MSRA: variants seen among roughly 807,000 people sequenced by gnomAD.
MSRA encodes methionine sulfoxide reductase A.
A neutral mutation model predicts 31.3 loss-of-function variants in MSRA; 54 were observed. The ratio of observed to expected loss-of-function variants is 1.73; its 90% CI spans 1.39 to 2.17. The LOEUF is 2.17. Among genes scored for constraint, MSRA ranks in the 30% most tolerant of loss-of-function variants. The pLI is 0.00. For missense variants in MSRA, 507 were observed against 300.9 expected (o/e 1.69, Z -5.07); for synonymous variants, 169 against 116.5 (o/e 1.45, Z -2.90).
chr8:10,309,407 T>C (rs530798937), intron 4 of MSRA, among the ~76,000 whole-genome samples: 1 of 152,370 alleles, frequency 6.6e-6, no homozygotes, highest in East Asian at 1.9e-4. Context: ...AAGGGCCGTT[T>C]CCATCACCAG....
chr8:10,075,842 C>G lies in MSRA; in HGVS notation c.142+21184C>G, dbSNP rs117015053. ...TCATATTTTTCTCCCATGGGTACCA[C>G]TTTCCTCTCTTTTCCTAATACCAAG... On this transcript the variant is annotated intron_variant, in intron 1 of 5. Coordinates refer to ENST00000317173, the MANE Select transcript of MSRA (RefSeq NM_012331.5). Among the ~76,000 whole-genome samples the G allele has an allele frequency of 2.6e-5, 4 of 152,352 alleles. No homozygotes were observed. The East Asian group carries it at 7.7e-4, about 29-fold the overall frequency.
chr8:10,421,951 T>A (rs1808840131), intron 5 of MSRA, among the ~76,000 whole-genome samples: 1 of 152,114 alleles, frequency 6.6e-6, no homozygotes, highest in Non-Finnish European at 1.5e-5. Context: ...TGGGTGGGGA[T>A]TTTTGGGAAA....
chr8:10,100,359 C>G (rs1373289103), intron 1 of MSRA, among the ~76,000 whole-genome samples: 2 of 152,102 alleles, frequency 1.3e-5, no homozygotes, highest in Non-Finnish European at 2.9e-5. Context: ...GCTTTGCTGC[C>G]CAAGCCCTGT....
At chr8:10,315,557 T>C (rs1438923652) in intron 4 of MSRA, among the ~76,000 whole-genome samples, 2 of 152,238 alleles carry the variant, frequency 1.3e-5, no homozygotes, top group Non-Finnish European at 2.9e-5. Context: ...TAATTAAATC[T>C]GGAAACTACA....
chr8:10,129,679 C>G (rs1801758027), intron 1 of MSRA, among the ~76,000 whole-genome samples: 1 of 152,134 alleles, frequency 6.6e-6, no homozygotes, highest in Non-Finnish European at 1.5e-5. Flanking sequence ...CTTAGGTTTT[C>G]TCTCTTTATT....
intron 2 of MSRA, among the ~76,000 whole-genome samples, chr8:10,221,365 G>A (rs1278362071): frequency 2.0e-5 from 3 of 151,756 alleles, no homozygotes; most frequent in Non-Finnish European, 4.4e-5. Flanking sequence ...TTAAACACTT[G>A]TACCAGCACC....
chr8:10,107,269 TTTTTTTTTAATTTAA>T (rs1252732262), intron 1 of MSRA, among the ~76,000 whole-genome samples: 6 of 152,048 alleles, frequency 3.9e-5, no homozygotes, highest in Admixed American at 2.6e-4. Flanking sequence ...CATGAGTGTT[TTTTTTTTTAATTTAA>T]CACTTAAGTA....
intron 5 of MSRA, among the ~76,000 whole-genome samples, chr8:10,324,112 C>T (rs1000035550): frequency 1.3e-5 from 2 of 152,252 alleles, no homozygotes; most frequent in African/African-American, 4.8e-5. Context: ...CGCCATGATG[C>T]TGTGGTCTCT....
chr8:10,343,579 C>G (rs1803579218), intron 5 of MSRA, among the ~76,000 whole-genome samples: 1 of 152,174 alleles, frequency 6.6e-6, no homozygotes, highest in South Asian at 2.1e-4. Flanking sequence ...TCTCCTACAT[C>G]AGTTCATGGG....
intron 1 of MSRA, among the ~76,000 whole-genome samples, chr8:10,149,368 C>T (rs1415661013): frequency 6.6e-6 from 1 of 152,158 alleles, no homozygotes; most frequent in Non-Finnish European, 1.5e-5. Context: ...AGGTGATCCG[C>T]CCGCCTCGGC....
At chr8:10,144,824 C>T (rs1248785559) in intron 1 of MSRA, among the ~76,000 whole-genome samples, 1 of 152,086 alleles carries the variant, frequency 6.6e-6, no homozygotes, top group African/African-American at 2.4e-5. Flanking sequence ...GGGGGATTGG[C>T]ACATCTGACT....
At chr8:10,338,922 A>G (rs1803233605) in intron 5 of MSRA, among the ~76,000 whole-genome samples, 1 of 152,250 alleles carries the variant, frequency 6.6e-6, no homozygotes, top group African/African-American at 2.4e-5. Flanking sequence ...AAAATGCTCT[A>G]CAAATTTAAG....
At chr8:10,200,783 C>A (rs1585153987) in intron 1 of MSRA, among the ~76,000 whole-genome samples, 1 of 152,210 alleles carries the variant, frequency 6.6e-6, no homozygotes, top group Non-Finnish European at 1.5e-5. Context: ...GGGACAAACA[C>A]AACCAGAACC....
chr8:10,371,688 C>T (rs1488504680), intron 5 of MSRA, among the ~76,000 whole-genome samples: 1 of 152,136 alleles, frequency 6.6e-6, no homozygotes, highest in African/African-American at 2.4e-5. Flanking sequence ...CCTTGTTTGC[C>T]TCAGTACCTC....
chr8:10,158,396 G>T (rs1804351193), intron 1 of MSRA, among the ~76,000 whole-genome samples: 1 of 152,156 alleles, frequency 6.6e-6, no homozygotes. Flanking sequence ...CACTCCCCCA[G>T]CTATCGGCAC....
At chr8:10,212,033 A>G (rs1262872790) in intron 2 of MSRA, among the ~76,000 whole-genome samples, 3 of 152,014 alleles carry the variant, frequency 2.0e-5, no homozygotes, top group Non-Finnish European at 4.4e-5. Context: ...ATTTTATATA[A>G]AATATTAGCT....
At chr8:10,361,402 T>C (rs1804837213) in intron 5 of MSRA, among the ~76,000 whole-genome samples, 1 of 152,206 alleles carries the variant, frequency 6.6e-6, no homozygotes, top group African/African-American at 2.4e-5. Context: ...TCTAAGTCTT[T>C]TCTTTCATTA....
intron 1 of MSRA, among the ~76,000 whole-genome samples, chr8:10,195,063 G>C (rs927426196): frequency 6.6e-6 from 1 of 152,096 alleles, no homozygotes; most frequent in African/African-American, 2.4e-5. Flanking sequence ...TGTAACTATA[G>C]TTACCCTATT....
chr8:10,385,329 T>A (rs1383088455), intron 5 of MSRA, among the ~76,000 whole-genome samples: 5 of 152,230 alleles, frequency 3.3e-5, no homozygotes, highest in African/African-American at 1.2e-4. Flanking sequence ...CTTACTAAAA[T>A]TGGACAACGC....
Sources: gnomAD v4.1 joint callset for allele counts (sites outside exome capture counted in the v4.1 genomes callset) on GRCh38, gnomAD v4.1.1 for gene constraint, MANE v1.5 for transcripts, NCBI Gene and HGNC (gene_info 2026-07-23, HGNC 2026-07-21) for gene names.